The following DNAH14 variants were observed in gnomAD, a reference collection of about 807,000 sequenced individuals.
DNAH14 encodes the protein dynein axonemal heavy chain 14, also known as axonemal beta dynein heavy chain 14.
In DNAH14, 478 loss-of-function variants were observed where a neutral mutation model predicts 520.9. The observed-to-expected ratio is 0.92, with a 90% confidence interval of 0.85 to 0.99. The LOEUF (loss-of-function observed/expected upper bound fraction) is 0.99. DNAH14 is among the 50% of genes least tolerant of loss of function. The pLI, the probability that DNAH14 is intolerant of heterozygous loss-of-function variation, is 0.00. For missense variants in DNAH14, 4,831 were observed against 5,234.5 expected (o/e 0.92, Z 2.38); for synonymous variants, 1,581 against 1,757.2 (o/e 0.90, Z 2.51).
intron 1 of DNAH14, 22 bp downstream of exon 1, chr1:224,929,857 T>C (rs1571807776): frequency 7.5e-6 from 5 of 667,160 alleles, no homozygotes; most frequent in Non-Finnish European, 1.4e-5. Flanking sequence ...AGCGTCTTCC[T>C]GTCAGCGGTC....
chr1:225,379,121 G>T (rs893522363), intron 79 of DNAH14, among the ~76,000 whole-genome samples: 1 of 152,098 alleles, frequency 6.6e-6, no homozygotes, highest in African/African-American at 2.4e-5. Flanking sequence ...CGCTCCTCCT[G>T]TCACCACCCG....
intron 79 of DNAH14, 62 bp downstream of exon 79, chr1:225,377,498 G>A: frequency 5.4e-6 from 8 of 1,476,818 alleles, no homozygotes; most frequent in Admixed American, 4.5e-5. Flanking sequence ...GGCAGCTCAT[G>A]CCTGTAATCC....
intron 72 of DNAH14, 139 bp downstream of exon 72, chr1:225,352,022 T>A (rs2095371748): frequency 4.6e-6 from 3 of 652,370 alleles, no homozygotes; most frequent in Non-Finnish European, 7.8e-6. Flanking sequence ...AGCATGCACA[T>A]GTTATTCATT....
chr1:224,966,665 TTATC>T (rs1487958275), intron 5 of DNAH14, among the ~76,000 whole-genome samples: 4 of 152,160 alleles, frequency 2.6e-5, no homozygotes, highest in Non-Finnish European at 4.4e-5. Context: ...TTTTCTCAAA[TTATC>T]TAACTTATCA....
At chr1:224,987,431 A>G (rs2062719291) in intron 8 of DNAH14, among the ~76,000 whole-genome samples, 2 of 152,192 alleles carry the variant, frequency 1.3e-5, no homozygotes, top group Non-Finnish European at 2.9e-5. Context: ...TGCTATAGCA[A>G]ATACTACGGA....
In DNAH14 at chr1:225,201,089, T is replaced by A. The variant is rs181532364; in HGVS notation, c.5887-3094T>A. Among the ~76,000 whole-genome samples, 180 of 152,028 alleles carry A rather than the reference T, an allele frequency of 1.2e-3. 2 individuals carry two copies. Among genetic ancestry groups the A allele is most frequent in the Middle Eastern group, 6.8e-3 (2 of 292 alleles). The stretch of plus-strand genomic sequence containing the variant: ...TTATTATTATTTTGTCTTTGTTGGA[T>A]TGGGTTAATTTGAAAACCTTGTCTT... On this transcript the variant is annotated intron_variant, in intron 38 of 85. Coordinates refer to ENST00000682510, the MANE Select transcript of DNAH14 (RefSeq NM_001367479.1).
At chr1:225,397,873 C>T (rs113667792) in intron 84 of DNAH14, 4,597 of 151,788 alleles carry the variant, frequency 0.03, 101 homozygotes, top group Middle Eastern at 0.051. Flanking sequence ...TGATGAAACC[C>T]GATCTCTACT....
At chr1:225,148,003 A>G (rs1302950503) in intron 31 of DNAH14, among the ~76,000 whole-genome samples, 1 of 152,168 alleles carries the variant, frequency 6.6e-6, no homozygotes, top group Non-Finnish European at 1.5e-5. Flanking sequence ...CATGGTGTAT[A>G]TATACCACAT....
intron 73 of DNAH14, among the ~76,000 whole-genome samples, chr1:225,356,992 T>C (rs2095436443): frequency 6.6e-6 from 1 of 152,154 alleles, no homozygotes; most frequent in Non-Finnish European, 1.5e-5. Flanking sequence ...ACTAAGTTAG[T>C]TATTTAAAAC....
Position 225,266,779 on chromosome 1 carries a change from A to G in DNAH14, c.7539+10A>G. On this transcript the variant is annotated intron_variant, in intron 49 of 85. Coordinates refer to ENST00000682510, the MANE Select transcript of DNAH14 (RefSeq NM_001367479.1). ...AAAAAATACATGGAAGGTACAGTATATACTAAGATTTTGTTCACATTAAGT... is the reference window on the plus strand; with the variant it reads ...AAAAAATACATGGAAGGTACAGTATGTACTAAGATTTTGTTCACATTAAGT... The G allele has an allele frequency of 6.8e-7, 1 of 1,478,124 alleles. No individual in the cohort carries two copies. Among genetic ancestry groups the G allele is most frequent in the Non-Finnish European group, 8.9e-7 (1 of 1,118,352 alleles). 91.6% of individuals were successfully genotyped at this position (1,478,124 alleles called of 1,614,324 possible). A position where few individuals can be genotyped will look rare whatever the true frequency, so the allele number is the denominator to read the frequency against.
At chr1:225,125,695 T>C (rs1299779303) in intron 27 of DNAH14, among the ~76,000 whole-genome samples, 2 of 152,242 alleles carry the variant, frequency 1.3e-5, no homozygotes, top group Non-Finnish European at 2.9e-5. Flanking sequence ...AAGGCTGTTT[T>C]GCTTTCTTAC....
chr1:225,148,157 G>T (rs2080128970), intron 31 of DNAH14, among the ~76,000 whole-genome samples: 1 of 152,094 alleles, frequency 6.6e-6, no homozygotes, highest in African/African-American at 2.4e-5. Context: ...GCCAGTAATG[G>T]GATTGCTGGG....
intron 33 of DNAH14, among the ~76,000 whole-genome samples, 152 bp from the exon 34 acceptor site, chr1:225,153,598 C>A (rs1038242933): frequency 1.3e-5 from 2 of 152,048 alleles, no homozygotes; most frequent in Admixed American, 1.3e-4. Context: ...TGAATGAGAG[C>A]ATTAGCAGTA....
chr1:225,152,546 A>C, intron 32 of DNAH14, 151 bp from the exon 33 acceptor site: 1 of 763,044 alleles, frequency 1.3e-6, no homozygotes, highest in Admixed American at 3.1e-5. Flanking sequence ...CTGTAAGATG[A>C]AAGGTACAAT....
At chr1:225,106,734 G>A (rs891450420) in intron 23 of DNAH14, among the ~76,000 whole-genome samples, 4 of 152,160 alleles carry the variant, frequency 2.6e-5, no homozygotes, top group East Asian at 1.9e-4. Context: ...GCTCCATCAG[G>A]TCCTTTAAGG....
At chr1:225,260,277 A>C (rs1455243019) in intron 46 of DNAH14, among the ~76,000 whole-genome samples, 1 of 151,394 alleles carries the variant, frequency 6.6e-6, no homozygotes, top group African/African-American at 2.4e-5. Context: ...GCTTGAACTC[A>C]GGAGGTGGAG....
intron 54 of DNAH14, among the ~76,000 whole-genome samples, chr1:225,286,639 A>C (rs997157487): frequency 6.6e-6 from 1 of 152,200 alleles, no homozygotes; most frequent in East Asian, 1.9e-4. Flanking sequence ...AATTGAAAAT[A>C]GCACAGCCAC....
chr1:225,194,652 G>A (rs1206935427), intron 38 of DNAH14, among the ~76,000 whole-genome samples: 1 of 152,016 alleles, frequency 6.6e-6, no homozygotes, highest in African/African-American at 2.4e-5. Flanking sequence ...CAATTGCAAT[G>A]AAACAAAAAT....
At chr1:225,324,149 A>T (rs1441283140) in intron 62 of DNAH14, 73 bp from the exon 63 acceptor site, 5 of 1,505,174 alleles carry the variant, frequency 3.3e-6, no homozygotes, top group Non-Finnish European at 4.5e-6. Flanking sequence ...ATTTCAATCT[A>T]GTGTAGACTG....
Sources: allele counts gnomAD v4.1 joint callset (sites outside exome capture counted in the v4.1 genomes callset), GRCh38; gene constraint gnomAD v4.1.1; transcripts MANE v1.5; gene names NCBI Gene and HGNC (gene_info 2026-07-23, HGNC 2026-07-21).